MICU2: variants seen among roughly 807,000 people sequenced by gnomAD.
MICU2 encodes the protein calcium uptake protein 2, mitochondrial.
In MICU2, 64 loss-of-function variants were observed where a neutral mutation model predicts 60.4. The ratio of observed to expected loss-of-function variants is 1.06; its 90% CI spans 0.87 to 1.31. The LOEUF (loss-of-function observed/expected upper bound fraction) is 1.31. MICU2 is among the 50% of genes most tolerant of loss of function. MICU2 has a pLI of 0.00. For synonymous variants in MICU2, 201 were observed against 175.0 expected (o/e 1.15, Z -1.17); for missense variants, 569 against 531.0 (o/e 1.07, Z -0.70).
intron 1 of MICU2, among the ~76,000 whole-genome samples, chr13:21,598,501 A>C (rs1593362840): frequency 6.6e-6 from 1 of 152,134 alleles, no homozygotes. Flanking sequence ...GGATCACCTG[A>C]GGTCAAGAGT....
rs150653671 is a variant in MICU2 at position 21,603,152 on chromosome 13, G to A, written c.210+787C>T. 2.0e-3 allele frequency among the ~76,000 whole-genome samples: 306 copies of A among 152,060 alleles called. 1 individual carries two copies. Among genetic ancestry groups the A allele is most frequent in the Non-Finnish European group, 3.2e-3 (220 of 67,980 alleles). ...AGTAGAGACCGGGGGGGCGGGGCTG[G>A]GGTGGGGAGCGGCTTCACCATGTTG... is the stretch of plus-strand genomic sequence containing the variant. On this transcript the variant is annotated intron_variant, in intron 1 of 11. Transcript: ENST00000382374.
intron 2 of MICU2, among the ~76,000 whole-genome samples, chr13:21,546,295 CTTTTTTT>C (rs33921647): frequency 7.6e-6 from 1 of 131,372 alleles, no homozygotes; most frequent in Non-Finnish European, 1.6e-5. Context: ...GATAAAAAGA[CTTTTTTT>C]TTTTTTTTTT....
At chr13:21,529,434 G>C (rs1341203535) in intron 4 of MICU2, among the ~76,000 whole-genome samples, 1 of 152,220 alleles carries the variant, frequency 6.6e-6, no homozygotes, top group East Asian at 1.9e-4. Flanking sequence ...TGAGGCTCAG[G>C]AGTGTAGCCT....
chr13:21,603,644 C>G (rs1888877749), intron 1 of MICU2: 1 of 494,210 alleles, frequency 2.0e-6, no homozygotes, highest in East Asian at 3.7e-5. Context: ...CACGCCCACA[C>G]TCATCACCAC....
intron 8 of MICU2, among the ~76,000 whole-genome samples, chr13:21,509,670 T>G (rs997808273): frequency 2.0e-5 from 3 of 152,226 alleles, no homozygotes; most frequent in Admixed American, 1.3e-4. Flanking sequence ...AACAAATGGT[T>G]GTTGTTTTAA....
At chr13:21,588,735 C>T (rs1393692973) in intron 1 of MICU2, among the ~76,000 whole-genome samples, 2 of 152,120 alleles carry the variant, frequency 1.3e-5, no homozygotes, top group Admixed American at 1.3e-4. Flanking sequence ...TCCCTTTCAC[C>T]CTAGCATCTC....
chr13:21,508,340 T>C (rs1185195510), intron 8 of MICU2, among the ~76,000 whole-genome samples: 1 of 151,972 alleles, frequency 6.6e-6, no homozygotes, highest in Non-Finnish European at 1.5e-5. Flanking sequence ...TTAGCCAGGA[T>C]GGTCTCGGTC....
At chr13:21,539,279 A>G in intron 4 of MICU2, 23 bp downstream of exon 4, 1 of 1,606,170 alleles carries the variant, frequency 6.2e-7, no homozygotes, top group Non-Finnish European at 8.5e-7. Context: ...ATAACTAGAA[A>G]TTTAACAACA....
chr13:21,573,629 G>C (rs1446984385), intron 1 of MICU2, among the ~76,000 whole-genome samples: 7 of 151,998 alleles, frequency 4.6e-5, no homozygotes, highest in Admixed American at 4.6e-4. Context: ...GACCTCAGGG[G>C]AAACTGATCC....
chr13:21,526,614 T>C (rs1219927718), intron 4 of MICU2, among the ~76,000 whole-genome samples: 1 of 151,984 alleles, frequency 6.6e-6, no homozygotes, highest in Admixed American at 6.6e-5. Context: ...TAGAAAAATG[T>C]GCAGGCATTT....
intron 6 of MICU2, among the ~76,000 whole-genome samples, chr13:21,519,407 CCTCAGACTCCATTATCCTGCA>C (rs962851909): frequency 5.9e-5 from 9 of 152,226 alleles, no homozygotes; most frequent in South Asian, 2.1e-4. Flanking sequence ...CTCTTGTCTT[CCTCAGACTCCATTATCCTGCA>C]CTCAGACTCC....
At chr13:21,554,869 C>T (rs1213239148) in intron 2 of MICU2, among the ~76,000 whole-genome samples, 2 of 152,096 alleles carry the variant, frequency 1.3e-5, no homozygotes, top group African/African-American at 4.8e-5. Flanking sequence ...ATACAAACTA[C>T]CATCAGAGAA....
At chr13:21,580,193 T>G (rs1455429066) in intron 1 of MICU2, among the ~76,000 whole-genome samples, 1 of 152,178 alleles carries the variant, frequency 6.6e-6, no homozygotes, top group African/African-American at 2.4e-5. Context: ...GTGAATCATA[T>G]ACTAAGTAAA....
At chr13:21,493,447 AC>A in intron 11 of MICU2, 94 bp from the exon 12 acceptor site, 1 of 802,472 alleles carries the variant, frequency 1.2e-6, no homozygotes, top group South Asian at 2.0e-5. Context: ...TCCTTCCCAC[AC>A]TCCTCCAAAA....
At chr13:21,551,123 T>G (rs768579032) in intron 2 of MICU2, among the ~76,000 whole-genome samples, 11 of 152,216 alleles carry the variant, frequency 7.2e-5, no homozygotes, top group Admixed American at 2.0e-4. Flanking sequence ...AACTGTTCCC[T>G]TGTGTACACA....
At chr13:21,571,261 T>A (rs1317861512) in intron 1 of MICU2, among the ~76,000 whole-genome samples, 1 of 152,160 alleles carries the variant, frequency 6.6e-6, no homozygotes, top group Non-Finnish European at 1.5e-5. Flanking sequence ...TAGACTTAAG[T>A]AAGCACAGTT....
chr13:21,550,465 G>T (rs1887529407), intron 2 of MICU2, among the ~76,000 whole-genome samples: 1 of 152,186 alleles, frequency 6.6e-6, no homozygotes, highest in Admixed American at 6.5e-5. Context: ...TGGAACCCAG[G>T]AGGTTGAGGC....
intron 2 of MICU2, among the ~76,000 whole-genome samples, chr13:21,559,361 G>A (rs1272224898): frequency 6.6e-6 from 1 of 152,148 alleles, no homozygotes; most frequent in African/African-American, 2.4e-5. Flanking sequence ...ATATAACACT[G>A]CTACTACAAG....
At chr13:21,517,693 C>T (rs1380235159) in intron 6 of MICU2, among the ~76,000 whole-genome samples, 1 of 152,002 alleles carries the variant, frequency 6.6e-6, no homozygotes, top group Non-Finnish European at 1.5e-5. Flanking sequence ...AGGAGAATCG[C>T]TGGAGCCCGG....
Sources: allele counts gnomAD v4.1 joint callset (sites outside exome capture counted in the v4.1 genomes callset), GRCh38; gene constraint gnomAD v4.1.1; transcripts MANE v1.5; gene names NCBI Gene and HGNC (gene_info 2026-07-23, HGNC 2026-07-21).